Variants in WWC1 observed in about 807,000 individuals in gnomAD.
WWC1 encodes WW and C2 domain containing 1.
In WWC1, 55 loss-of-function variants were observed where a neutral mutation model predicts 138.4. The ratio of observed to expected loss-of-function variants is 0.40; its 90% CI spans 0.32 to 0.50. The LOEUF (loss-of-function observed/expected upper bound fraction) is 0.50, where lower values mean the gene tolerates loss of function less well. Among genes scored for constraint, WWC1 ranks in the 20% least tolerant of loss-of-function variants. The pLI, the probability that WWC1 is intolerant of heterozygous loss-of-function variation, is 0.72. For synonymous variants in WWC1, 524 were observed against 564.9 expected (o/e 0.93, Z 1.03); for missense variants, 1,226 against 1,420.4 (o/e 0.86, Z 2.20).
At chr5:168,334,104 G>C (rs964195636) in intron 1 of WWC1, among the ~76,000 whole-genome samples, 1 of 149,472 alleles carries the variant, frequency 6.7e-6, no homozygotes, top group African/African-American at 2.5e-5. Flanking sequence ...TACAACTGTG[G>C]CCCCAGCTAC....
At chr5:168,363,796 C>T (rs1776075146) in intron 1 of WWC1, among the ~76,000 whole-genome samples, 1 of 152,118 alleles carries the variant, frequency 6.6e-6, no homozygotes, top group Admixed American at 6.5e-5. Context: ...AACAAAGCCA[C>T]ACAGGTTAGA....
chr5:168,308,599 C>T (rs1012356883), intron 1 of WWC1, among the ~76,000 whole-genome samples: 8 of 152,156 alleles, frequency 5.3e-5, no homozygotes, highest in East Asian at 1.9e-4. Context: ...TGCATCTGAA[C>T]TTCTAAAGAG....
rs1456833016 is a variant in WWC1 at position 168,444,502 on chromosome 5, G to C, written c.2442G>C (p.Val814=). Residue 814 remains valine (V), a synonymous_variant, in exon 17 of 23, where the codon GTG becomes GTC. Transcript: ENST00000265293. ...PASGPASTDA[V]SALLEQTAVE... is the part of the protein sequence containing the mutation. ...AACCTTTGTCTCTATAGGACGCTGT[G>C]TCTGCTCTGTTGGAACAGACAGCAG... 9 of 1,580,642 alleles carry C rather than the reference G, an allele frequency of 5.7e-6. No individual in the cohort carries two copies.
chr5:168,343,217 C>T (rs535233763), intron 1 of WWC1, among the ~76,000 whole-genome samples: 3 of 146,718 alleles, frequency 2.0e-5, no homozygotes, highest in East Asian at 1.9e-4. Flanking sequence ...TTCTTGATGA[C>T]GGGGCCAAAC....
intron 19 of WWC1, 48 bp downstream of exon 19, chr5:168,455,568 G>C (rs748540579): frequency 1.3e-6 from 2 of 1,588,778 alleles, no homozygotes; most frequent in South Asian, 2.3e-5. Flanking sequence ...GTAGCCGAGA[G>C]CTTCACACAG....
chr5:168,406,262 A>G lies in WWC1; in HGVS notation c.655A>G (p.Arg219Gly), dbSNP rs1244953024. ...ACTGGATGAAGCTCAGGCTGTCTTG[A>G]GAGAAACAAAAGCCATCAAAAAGGC... ...YKLDEAQAVL[R>G]ETKAIKKAIT... is the part of the protein sequence containing the mutation. Residue 219 changes from arginine (R) to glycine (G), a missense_variant, in exon 6 of 23, where the codon AGA becomes GGA. By Grantham distance (125) the Arg-to-Gly change is moderately radical (BLOSUM62 -2). This residue lies in a region of WWC1 where 1,016 missense variants were observed against 1,153.9 expected (regional missense o/e 0.88). Transcript: ENST00000265293. 6.2e-7 allele frequency: 1 copy of G among 1,614,028 alleles called. No homozygotes were observed. Among genetic ancestry groups the G allele is most frequent in the Non-Finnish European group, 8.5e-7 (1 of 1,179,988 alleles).
At chr5:168,304,333 AC>A (rs1315967646) in intron 1 of WWC1, among the ~76,000 whole-genome samples, 1 of 152,208 alleles carries the variant, frequency 6.6e-6, no homozygotes, top group Non-Finnish European at 1.5e-5. Context: ...GTAGACAATG[AC>A]TTTTGCTGGA....
At chr5:168,457,843 C>T (rs1023739993) in intron 19 of WWC1, among the ~76,000 whole-genome samples, 4 of 152,268 alleles carry the variant, frequency 2.6e-5, no homozygotes, top group Non-Finnish European at 2.9e-5. Context: ...CCATTAATGG[C>T]TTTTCCCTGA....
intron 9 of WWC1, among the ~76,000 whole-genome samples, chr5:168,416,921 G>A (rs576022529): frequency 1.1e-3 from 171 of 152,142 alleles, no homozygotes; most frequent in African/African-American, 3.9e-3. Flanking sequence ...AGGCTGGAGT[G>A]CAGTGGCACG....
intron 1 of WWC1, among the ~76,000 whole-genome samples, chr5:168,367,469 C>T (rs1776389115): frequency 6.6e-6 from 1 of 150,422 alleles, no homozygotes; most frequent in East Asian, 2.0e-4. Flanking sequence ...GTAGCTGGGA[C>T]TACAGGCGCC....
chr5:168,402,158 C>T (rs1477522956), intron 5 of WWC1, among the ~76,000 whole-genome samples: 3 of 152,172 alleles, frequency 2.0e-5, no homozygotes, highest in African/African-American at 7.2e-5. Context: ...TCCTTTCTTC[C>T]CCTCCCTCTG....
chr5:168,460,501 A>G, intron 19 of WWC1, 149 bp from the exon 20 acceptor site: 2 of 668,764 alleles, frequency 3.0e-6, no homozygotes, highest in Non-Finnish European at 5.1e-6. Flanking sequence ...ACTTATAAAG[A>G]AAAGAAAGGT....
intron 17 of WWC1, among the ~76,000 whole-genome samples, chr5:168,447,181 T>C (rs528664587): frequency 6.6e-6 from 1 of 152,370 alleles, no homozygotes; most frequent in African/African-American, 2.4e-5. Flanking sequence ...AGTAAAATTA[T>C]GCATGATAAG....
intron 1 of WWC1, among the ~76,000 whole-genome samples, chr5:168,367,326 TTTATTTATTTAC>T (rs1401715163): frequency 6.6e-6 from 1 of 152,088 alleles, no homozygotes; most frequent in Non-Finnish European, 1.5e-5. Flanking sequence ...CTTGTTATTT[TTTATTTATTTAC>T]TTATTTATTT....
intron 16 of WWC1, among the ~76,000 whole-genome samples, chr5:168,443,678 T>C (rs1173494422): frequency 6.6e-6 from 1 of 152,214 alleles, no homozygotes; most frequent in Non-Finnish European, 1.5e-5. Flanking sequence ...ATAAACCATC[T>C]TTCACAGTGC....
chr5:168,420,635 C>A (rs1469884323), intron 9 of WWC1, among the ~76,000 whole-genome samples: 2 of 152,002 alleles, frequency 1.3e-5, no homozygotes, highest in East Asian at 3.9e-4. Context: ...CATAATAGAG[C>A]TCTTCTCTTC....
rs572015878 is a variant in WWC1 at position 168,298,999 on chromosome 5, C to T, written c.119+6728C>T. 1.3e-4 allele frequency among the ~76,000 whole-genome samples: 20 copies of T among 152,270 alleles called. No individual in the cohort carries two copies. The South Asian group carries it at 3.5e-3, about 27-fold the overall frequency. ...ACTCAGGAGGCTGAGACAGGAGAAT[C>T]GCTTGAACCCAGGAGGCGGAGGTTG... On this transcript the variant is annotated intron_variant, in intron 1 of 22. Transcript: ENST00000265293.
chr5:168,453,912 G>C (rs1756058758), intron 17 of WWC1, 56 bp from the exon 18 acceptor site: 2 of 1,605,600 alleles, frequency 1.2e-6, no homozygotes, highest in Non-Finnish European at 1.7e-6. Context: ...TTAAAGGCAG[G>C]TGAACAGAGG....
chr5:168,342,804 G>A (rs993587752), intron 1 of WWC1, among the ~76,000 whole-genome samples: 49 of 152,192 alleles, frequency 3.2e-4, no homozygotes, highest in Admixed American at 2.0e-3. Flanking sequence ...AAGAACCGGA[G>A]GATGCAAGTG....
Sources: allele counts gnomAD v4.1 joint callset (sites outside exome capture counted in the v4.1 genomes callset), GRCh38; gene constraint gnomAD v4.1.1; regional missense constraint gnomAD v4.1.1; transcripts MANE v1.5; gene names NCBI Gene and HGNC (gene_info 2026-07-23, HGNC 2026-07-21).